The following RNFT2 variants were observed in gnomAD, a reference collection of about 807,000 sequenced individuals.
RNFT2 encodes the protein ring finger protein, transmembrane 2.
RNFT2 carries 36 observed loss-of-function variants against 53.0 expected under a neutral mutation model. The observed-to-expected ratio is 0.68, with a 90% CI of 0.52 to 0.90. RNFT2 has a LOEUF of 0.90. RNFT2 is among the 40% of genes least tolerant of loss of function. The probability of loss-of-function intolerance (pLI) is 0.00; values close to 1 mark genes in which losing one functional copy is unlikely to be tolerated. For synonymous variants in RNFT2, 260 were observed against 253.2 expected (o/e 1.03, Z -0.26); for missense variants, 514 against 585.6 (o/e 0.88, Z 1.26).
chr12:116,847,169 AAGTGCTAGC>A (rs1317290960), intron 10 of RNFT2, among the ~76,000 whole-genome samples: 1 of 151,992 alleles, frequency 6.6e-6, no homozygotes, highest in Non-Finnish European at 1.5e-5. Context: ...CAGCCTACCA[AAGTGCTAGC>A]ATTACAGGTG....
chr12:116,740,075 G>C (rs1035041807), intron 1 of RNFT2, among the ~76,000 whole-genome samples: 1 of 151,804 alleles, frequency 6.6e-6, no homozygotes, highest in Admixed American at 6.6e-5. Flanking sequence ...GCGTGGTGTC[G>C]CATGCCTGTA....
intron 7 of RNFT2, among the ~76,000 whole-genome samples, chr12:116,798,054 C>G (rs994694554): frequency 2.0e-5 from 3 of 152,130 alleles, no homozygotes; most frequent in African/African-American, 7.2e-5. Flanking sequence ...GGAGTCAAGT[C>G]CCGCCTGCTA....
At chr12:116,738,615 C>G (rs1436825603) in intron 1 of RNFT2, 3 of 152,074 alleles carry the variant, frequency 2.0e-5, no homozygotes, top group African/African-American at 7.3e-5. Context: ...TCGCAAGCAT[C>G]GAAAAGTCTC....
At chr12:116,774,383 C>T (rs903488662) in intron 6 of RNFT2, among the ~76,000 whole-genome samples, 1 of 151,984 alleles carries the variant, frequency 6.6e-6, no homozygotes, top group Non-Finnish European at 1.5e-5. Context: ...ATTTTAACAC[C>T]AAAGAATTAA....
intron 7 of RNFT2, among the ~76,000 whole-genome samples, chr12:116,830,561 T>C (rs534347946): frequency 2.6e-5 from 4 of 152,202 alleles, no homozygotes; most frequent in African/African-American, 9.6e-5. Context: ...GTGTTGGGAG[T>C]ACAGGTGTCA....
At chr12:116,773,021 G>A (rs1488617714) in intron 6 of RNFT2, among the ~76,000 whole-genome samples, 8 of 152,056 alleles carry the variant, frequency 5.3e-5, no homozygotes, top group African/African-American at 1.9e-4. Context: ...TAGAGACAGG[G>A]TTTCACCAAG....
intron 5 of RNFT2, among the ~76,000 whole-genome samples, chr12:116,765,453 A>G (rs2137096958): frequency 6.6e-6 from 1 of 152,292 alleles, no homozygotes; most frequent in South Asian, 2.1e-4. Context: ...GACACTGTGT[A>G]TTGAGCATTT....
intron 3 of RNFT2, among the ~76,000 whole-genome samples, chr12:116,746,221 A>T (rs943231660): frequency 6.6e-6 from 1 of 152,112 alleles, no homozygotes; most frequent in African/African-American, 2.4e-5. Flanking sequence ...TGGGTGACAG[A>T]GGGAGACCCT....
At chr12:116,844,983 C>G (rs1032358446) in intron 10 of RNFT2, among the ~76,000 whole-genome samples, 3 of 152,070 alleles carry the variant, frequency 2.0e-5, no homozygotes, top group African/African-American at 7.3e-5. Flanking sequence ...TGGCTCACAC[C>G]TATAATCCCA....
chr12:116,795,389 C>T (rs1369971488), intron 7 of RNFT2, among the ~76,000 whole-genome samples: 1 of 149,456 alleles, frequency 6.7e-6, no homozygotes, highest in East Asian at 2.0e-4. Context: ...GCCTGGGCGG[C>T]AGAGTGAGAC....
At chr12:116,812,433 C>T (rs975698919) in intron 7 of RNFT2, among the ~76,000 whole-genome samples, 6 of 152,040 alleles carry the variant, frequency 3.9e-5, no homozygotes, top group African/African-American at 1.4e-4. Flanking sequence ...GTCCCTGGGG[C>T]GTGGCATTAC....
In RNFT2 at chr12:116,851,968, T is replaced by A; in HGVS notation, c.*2520T>A. 1 of 1,508,678 alleles carries A rather than the reference T, an allele frequency of 6.6e-7. No individual in the cohort carries two copies. Among genetic ancestry groups the A allele is most frequent in the Non-Finnish European group, 8.8e-7 (1 of 1,136,008 alleles). 93.5% of individuals were successfully genotyped at this position (1,508,678 alleles called of 1,614,324 possible). ...AGCCTTCAGAGCAAACAGGACAACC[T>A]ATGTTATGGATGTTTCCACCAACCA... On this transcript the variant is annotated 3_prime_UTR_variant, in exon 11 of 11. Transcript: ENST00000257575.
intron 10 of RNFT2, among the ~76,000 whole-genome samples, chr12:116,841,459 A>G (rs76788182): frequency 6.7e-6 from 1 of 150,284 alleles, no homozygotes; most frequent in African/African-American, 2.5e-5. Context: ...TCTCAAAAAA[A>G]TAAAATGACT....
chr12:116,845,243 C>A (rs1168039296), intron 10 of RNFT2, among the ~76,000 whole-genome samples: 146 of 82,710 alleles, frequency 1.8e-3, no homozygotes, highest in African/African-American at 3.9e-3. Flanking sequence ...GACCCGGTTT[C>A]AAAAAAAAAA....
chr12:116,813,277 T>C (rs1875476952), intron 7 of RNFT2, among the ~76,000 whole-genome samples: 1 of 152,324 alleles, frequency 6.6e-6, no homozygotes, highest in African/African-American at 2.4e-5. Context: ...TTTTGAATGC[T>C]TGCCTGGCCT....
rs1015362691 is a variant in RNFT2 at position 116,852,013 on chromosome 12, C to T, written c.*2565C>T. Reference sequence around the variant, plus strand: ...CAACCAGGGTAGTGGCATGGAGCACCGTAACCATCTGTGCTTCTGTGATCT... The same window carrying T: ...CAACCAGGGTAGTGGCATGGAGCACTGTAACCATCTGTGCTTCTGTGATCT... On this transcript the variant is annotated 3_prime_UTR_variant, in exon 11 of 11. Coordinates refer to ENST00000257575, the MANE Select transcript of RNFT2 (RefSeq NM_001382266.1). 5.2e-6 allele frequency: 7 copies of T among 1,357,708 alleles called. No individual in the cohort carries two copies. Among genetic ancestry groups the T allele is most frequent in the African/African-American group, 2.9e-5 (2 of 68,488 alleles). The allele number at this position is 1,357,708 out of a possible 1,614,324, so 84.1% of individuals were successfully genotyped here.
At chr12:116,835,925 G>T (rs768686671) in intron 8 of RNFT2, 35 bp from the exon 9 acceptor site, 1 of 1,612,902 alleles carries the variant, frequency 6.2e-7, no homozygotes, top group Admixed American at 1.7e-5. Context: ...GTGATCCTTG[G>T]GTACATTTCA....
At chr12:116,794,628 AGAAGG>A (rs1455970436) in intron 7 of RNFT2, among the ~76,000 whole-genome samples, 12 of 126,168 alleles carry the variant, frequency 9.5e-5, no homozygotes, top group Admixed American at 6.9e-4. Context: ...GAAAGGGAAG[AGAAGG>A]GGAGGGGAGG....
chr12:116,772,447 C>T (rs1873244478), intron 6 of RNFT2, among the ~76,000 whole-genome samples: 1 of 152,118 alleles, frequency 6.6e-6, no homozygotes, highest in African/African-American at 2.4e-5. Flanking sequence ...GCTGGAATTA[C>T]AGGCATGTGC....
Sources: allele counts gnomAD v4.1 joint callset (sites outside exome capture counted in the v4.1 genomes callset), GRCh38; gene constraint gnomAD v4.1.1; transcripts MANE v1.5; gene names NCBI Gene and HGNC (gene_info 2026-07-23, HGNC 2026-07-21).